Variants in MTNR1B observed in about 807,000 individuals in gnomAD.
MTNR1B encodes melatonin receptor type 1B.
In MTNR1B, 7 loss-of-function variants were observed where a neutral mutation model predicts 7.0. The observed-to-expected ratio is 1.00, with a 90% CI of 0.57 to 1.88. MTNR1B has a LOEUF of 1.88. Ranked by LOEUF, MTNR1B falls within the 40% of genes most tolerant of loss-of-function variation. The probability of loss-of-function intolerance (pLI) is 0.00; values close to 1 mark genes in which losing one functional copy is unlikely to be tolerated. For synonymous variants in MTNR1B, 226 were observed against 208.2 expected, an observed-to-expected ratio of 1.09 and a Z score of -0.74; for missense variants, 478 against 486.5, an observed-to-expected ratio of 0.98 and a Z score of 0.16.
At chr11:92,970,844 A>T (rs1303667929) in intron 1 of MTNR1B, among the ~76,000 whole-genome samples, 1 of 152,236 alleles carries the variant, frequency 6.6e-6, no homozygotes, top group African/African-American at 2.4e-5. Context: ...ATTAGAGTGA[A>T]TTAAAATGGA....
chr11:92,980,130 G>A (rs987930387), intron 1 of MTNR1B, among the ~76,000 whole-genome samples: 2 of 152,166 alleles, frequency 1.3e-5, no homozygotes, highest in African/African-American at 4.8e-5. Context: ...GACACATGGT[G>A]GCTGTGGAGT....
downstream of MTNR1B, among the ~76,000 whole-genome samples, chr11:92,983,293 C>T (rs1858149342): frequency 1.3e-5 from 2 of 152,066 alleles, no homozygotes; most frequent in African/African-American, 4.8e-5. Flanking sequence ...GTGCCTCACC[C>T]CTGCCTCAGC....
At chr11:92,971,934 A>G (rs572269956) in intron 1 of MTNR1B, among the ~76,000 whole-genome samples, 4 of 152,208 alleles carry the variant, frequency 2.6e-5, no homozygotes, top group Non-Finnish European at 4.4e-5. Context: ...GAACAAAAAA[A>G]AATAATAATA....
At chr11:92,982,936 A>ACCCCCCCCCCCCCC (rs71473980), downstream of MTNR1B, among the ~76,000 whole-genome samples, 5 of 49,170 alleles carry the variant, frequency 1.0e-4, 1 homozygote, top group Non-Finnish European at 1.6e-4. Context: ...AACACACTGC[A>ACCCCCCCCCCCCCC]CCCCCCCCCC....
At chr11:92,984,802 C>T (rs979828987), downstream of MTNR1B, 1 of 439,124 alleles carries the variant, frequency 2.3e-6, no homozygotes, top group African/African-American at 2.0e-5. Context: ...TTCTTGGATC[C>T]ATAGGTTTTT....
downstream of MTNR1B, among the ~76,000 whole-genome samples, chr11:92,983,423 G>T (rs1774282151): frequency 6.6e-6 from 1 of 151,892 alleles, no homozygotes; most frequent in African/African-American, 2.4e-5. Context: ...TGAGGTGGGA[G>T]GATCACTTCA....
chr11:92,982,357 G>A lies in MTNR1B; in HGVS notation c.*45G>A, dbSNP rs775354456. The stretch of plus-strand genomic sequence containing the variant: ...AGCAGCATGACAAACTCATGAAATG[G>A]TGGGAGAGAGTCTGCTGCAAGGGTG... On this transcript the variant is annotated 3_prime_UTR_variant, in exon 2 of 2. Coordinates refer to ENST00000257068, the MANE Select transcript of MTNR1B (RefSeq NM_005959.5). The A allele has an allele frequency of 8.9e-6, 14 of 1,574,436 alleles. No individual in the cohort carries two copies. The East Asian group carries it at 3.1e-4, about 35-fold the overall frequency.
chr11:92,974,618 T>G lies in MTNR1B; in HGVS notation c.223+4670T>G, dbSNP rs1374567228. On this transcript the variant is annotated intron_variant, in intron 1 of 1. Coordinates refer to ENST00000257068, the MANE Select transcript of MTNR1B (RefSeq NM_005959.5). Reference sequence around the variant, plus strand: ...ACCACACCTGGCTAATTTTTTTTTTTTCTGAGACAGAGTCTTGCTGTCGCC... The same window carrying G: ...ACCACACCTGGCTAATTTTTTTTTTGTCTGAGACAGAGTCTTGCTGTCGCC... 1.3e-5 allele frequency among the ~76,000 whole-genome samples: 2 copies of G among 151,864 alleles called. 1 individual carries two copies. The highest frequency in any genetic ancestry group is 4.0e-4 in the East Asian group (2 of 5,060).
intron 1 of MTNR1B, among the ~76,000 whole-genome samples, chr11:92,974,703 T>C (rs913306547): frequency 3.3e-5 from 5 of 150,756 alleles, no homozygotes; most frequent in East Asian, 2.3e-4. Context: ...CTGGGGTTCA[T>C]GCCATTCTCT....
At chr11:92,983,956 A>ATTC (rs756882306), downstream of MTNR1B, among the ~76,000 whole-genome samples, 1 of 152,226 alleles carries the variant, frequency 6.6e-6, no homozygotes, top group Admixed American at 6.5e-5. Flanking sequence ...GATTGCCAGA[A>ATTC]TTCAGATAGC....
intron 1 of MTNR1B, among the ~76,000 whole-genome samples, chr11:92,974,243 C>A (rs1441794485): frequency 6.6e-6 from 1 of 152,188 alleles, no homozygotes; most frequent in Admixed American, 6.5e-5. Flanking sequence ...AAGTCTTTCC[C>A]ATGCTGTTCT....
At position 92,981,440 on chromosome 11, in the gene MTNR1B, G is replaced by T; in HGVS notation, c.224-7G>T. The T allele has an allele frequency of 6.2e-7, 1 of 1,609,330 alleles. No homozygotes were observed. ...CGTGCTGACTGTTGCTCTGTTTGCT[G>T]CTTCAGGTAATTTGTTCTTGGTGAG... On this transcript the variant is annotated splice_polypyrimidine_tract_variant and splice_region_variant and intron_variant, in intron 1 of 1. Coordinates refer to ENST00000257068, the MANE Select transcript of MTNR1B (RefSeq NM_005959.5).
At chr11:92,978,224 T>C (rs111266533) in intron 1 of MTNR1B, among the ~76,000 whole-genome samples, 1 of 152,232 alleles carries the variant, frequency 6.6e-6, no homozygotes, top group Non-Finnish European at 1.5e-5. Context: ...AGCTCAGCAC[T>C]GGCTGGCTCT....
intron 1 of MTNR1B, among the ~76,000 whole-genome samples, chr11:92,981,010 T>A (rs1391544274): frequency 1.3e-5 from 2 of 152,234 alleles, no homozygotes; most frequent in African/African-American, 4.8e-5. Context: ...GGTGAGGGAA[T>A]GTGAGGGAGC....
Position 92,970,823 on chromosome 11 carries a change from C to G in MTNR1B, c.223+875C>G, listed in dbSNP as rs746682475. On this transcript the variant is annotated intron_variant, in intron 1 of 1. Transcript: ENST00000257068. ...GTTTCTTCAAGTTGGGCCTTGGGAG[C>G]AAATTCAAATATTAGAGTGAATTAA... 1.6e-4 allele frequency among the ~76,000 whole-genome samples: 24 copies of G among 152,070 alleles called. 1 individual carries two copies. Among genetic ancestry groups the G allele is most frequent in the Admixed American group, 6.5e-5 (1 of 15,270 alleles).
rs550949640 is a variant in MTNR1B, at chr11:92,982,027, C to T, written c.804C>T (p.Asn268=). ...TTGCCATCTGCTGGGCTCCACTTAA[C>T]TGCATCGGCCTCGCTGTGGCCATCA... ...VIFAICWAPL[N]CIGLAVAINP... Residue 268 remains asparagine, a synonymous_variant, in exon 2 of 2, where the codon AAC becomes AAT. Coordinates refer to ENST00000257068, the MANE Select transcript of MTNR1B (RefSeq NM_005959.5). 1.9e-6 allele frequency: 3 copies of T among 1,614,246 alleles called. No homozygotes were observed. Among genetic ancestry groups the T allele is most frequent in the South Asian group, 2.2e-5 (2 of 91,092 alleles).
rs568002248 is a variant in MTNR1B, at chr11:92,981,580, G to C, written c.357G>C (p.Val119=). Residue 119 remains valine, a synonymous_variant, in exon 2 of 2, where the codon GTG becomes GTC. Transcript: ENST00000257068. The stretch of plus-strand genomic sequence containing the variant: ...AGCACTGCAAGGCCAGCGCCTTTGT[G>C]ATGGGCCTGAGCGTCATCGGCTCTG... ...GEEHCKASAF[V]MGLSVIGSVF... is the part of the protein sequence containing the mutation. 25 of 1,614,154 alleles carry C rather than the reference G, an allele frequency of 1.5e-5. No individual in the cohort carries two copies. The South Asian group carries it at 2.4e-4, about 16-fold the overall frequency.
intron 1 of MTNR1B, among the ~76,000 whole-genome samples, chr11:92,979,672 C>T (rs1858066319): frequency 6.6e-6 from 1 of 152,146 alleles, no homozygotes. Flanking sequence ...GGTTTCCTAA[C>T]CTAGCTGTGG....
At chr11:92,972,124 A>G (rs1857936429) in intron 1 of MTNR1B, among the ~76,000 whole-genome samples, 1 of 152,244 alleles carries the variant, frequency 6.6e-6, no homozygotes, top group Admixed American at 6.5e-5. Flanking sequence ...CTCTTTGAAT[A>G]GTTAGCACAC....
Sources: gnomAD v4.1 joint callset for allele counts (sites outside exome capture counted in the v4.1 genomes callset) on GRCh38, gnomAD v4.1.1 for gene constraint, MANE v1.5 for transcripts, NCBI Gene and HGNC (gene_info 2026-07-23, HGNC 2026-07-21) for gene names.